Variants in MLIP observed in about 807,000 individuals in gnomAD.
The protein encoded by MLIP is muscular LMNA interacting protein.
Under a neutral mutation model 84.8 loss-of-function variants are expected in MLIP, and 79 were observed. The observed-to-expected ratio is 0.93, with a 90% CI of 0.78 to 1.12. The LOEUF is 1.12. Ranked by LOEUF, MLIP falls within the 50% of genes most tolerant of loss-of-function variation. The pLI, the probability that MLIP is intolerant of heterozygous loss-of-function variation, is 0.00. For synonymous variants in MLIP, 504 were observed against 463.0 expected, an observed-to-expected ratio of 1.09 and a Z score of -1.14; for missense variants, 1,257 against 1,160.6, an observed-to-expected ratio of 1.08 and a Z score of -1.21.
chr6:54,113,040 T>A (rs1358101577), intron 1 of MLIP, among the ~76,000 whole-genome samples: 2 of 152,218 alleles, frequency 1.3e-5, no homozygotes, highest in Non-Finnish European at 2.9e-5. Flanking sequence ...TTCATCATTA[T>A]ATATGCTTTA....
intron 1 of MLIP, among the ~76,000 whole-genome samples, chr6:54,072,419 T>C (rs1450109647): frequency 6.6e-6 from 1 of 152,166 alleles, no homozygotes; most frequent in African/African-American, 2.4e-5. Context: ...CTTAGGGTAA[T>C]GGGTCTGTTA....
chr6:54,116,268 T>A (rs1769911486), intron 1 of MLIP, among the ~76,000 whole-genome samples: 1 of 152,140 alleles, frequency 6.6e-6, no homozygotes, highest in Non-Finnish European at 1.5e-5. Context: ...CAGGGCAGTG[T>A]TACTCTGACA....
At chr6:54,094,863 C>T (rs1382671251) in intron 1 of MLIP, among the ~76,000 whole-genome samples, 1 of 152,112 alleles carries the variant, frequency 6.6e-6, no homozygotes, top group Non-Finnish European at 1.5e-5. Flanking sequence ...AGCAACTAAA[C>T]CAACCTTATA....
intron 12 of MLIP, among the ~76,000 whole-genome samples, chr6:54,245,991 G>A (rs373432684): frequency 1.3e-5 from 2 of 152,128 alleles, no homozygotes; most frequent in African/African-American, 2.4e-5. Context: ...TGCTAAATTT[G>A]TTGAAGTTTA....
chr6:54,184,155 A>G (rs576328017), intron 9 of MLIP, among the ~76,000 whole-genome samples: 1 of 152,294 alleles, frequency 6.6e-6, no homozygotes, highest in South Asian at 2.1e-4. Context: ...ACATAATTCA[A>G]TTAGCACATT....
At chr6:54,207,418 C>CG (rs1554184558) in intron 11 of MLIP, among the ~76,000 whole-genome samples, 1 of 143,760 alleles carries the variant, frequency 7.0e-6, no homozygotes, top group East Asian at 2.2e-4. Flanking sequence ...CACCCCCCCC[C>CG]CCTTTTTTGA....
intron 1 of MLIP, among the ~76,000 whole-genome samples, chr6:54,028,660 C>T (rs896347064): frequency 6.6e-5 from 10 of 152,170 alleles, no homozygotes; most frequent in African/African-American, 1.9e-4. Context: ...TCTGCTTATT[C>T]ATTCATTCAG....
intron 8 of MLIP, among the ~76,000 whole-genome samples, chr6:54,169,194 T>A (rs1775513942): frequency 6.6e-6 from 1 of 151,636 alleles, no homozygotes; most frequent in African/African-American, 2.4e-5. Context: ...ATCTTTGTAA[T>A]TGAGGAGCTC....
At chr6:54,256,025 C>T (rs917958203) in intron 12 of MLIP, among the ~76,000 whole-genome samples, 1 of 152,090 alleles carries the variant, frequency 6.6e-6, no homozygotes, top group Non-Finnish European at 1.5e-5. Flanking sequence ...AAAGTAGGTG[C>T]TTCCAGCTGC....
intron 1 of MLIP, chr6:54,031,445 G>A (rs1460474860): frequency 6.6e-6 from 1 of 152,182 alleles, no homozygotes; most frequent in Non-Finnish European, 1.5e-5. Context: ...TTGGCACCTT[G>A]TAAGCCTGAT....
intron 1 of MLIP, among the ~76,000 whole-genome samples, chr6:54,093,343 CTATTCTATTCTATT>C (rs1767986350): frequency 6.8e-6 from 1 of 147,378 alleles, no homozygotes; most frequent in Non-Finnish European, 1.5e-5. Flanking sequence ...CTATTCTATT[CTATTCTATTCTATT>C]CTATTCTATT....
chr6:54,024,535 A>G (rs1295184524), intron 1 of MLIP, among the ~76,000 whole-genome samples: 7 of 152,226 alleles, frequency 4.6e-5, no homozygotes, highest in Admixed American at 3.9e-4. Flanking sequence ...AGACTTTCAA[A>G]TCAGTATACA....
At chr6:54,054,707 T>C (rs1034966209) in intron 1 of MLIP, among the ~76,000 whole-genome samples, 1 of 152,220 alleles carries the variant, frequency 6.6e-6, no homozygotes, top group Non-Finnish European at 1.5e-5. Context: ...ATGTGCAAGA[T>C]AACATTTTCT....
chr6:54,180,540 C>A (rs914798067), intron 9 of MLIP, among the ~76,000 whole-genome samples: 1 of 152,010 alleles, frequency 6.6e-6, no homozygotes, highest in Non-Finnish European at 1.5e-5. Context: ...TTTTTGTCTC[C>A]TCTGACTTTG....
chr6:54,041,245 T>C (rs1227973671), intron 1 of MLIP, among the ~76,000 whole-genome samples: 1 of 152,118 alleles, frequency 6.6e-6, no homozygotes, highest in African/African-American at 2.4e-5. Flanking sequence ...CATGCCTCAA[T>C]AGACTAATAC....
intron 4 of MLIP, among the ~76,000 whole-genome samples, chr6:54,144,579 G>A (rs893347778): frequency 3.9e-5 from 6 of 152,186 alleles, no homozygotes; most frequent in African/African-American, 9.7e-5. Context: ...AATAGGGTTT[G>A]CACTCCTATG....
rs1771883921 is a variant in MLIP, at chr6:54,137,219, T to C, written c.1150T>C (p.Phe384Leu). ...GAGCCCCAAACCATTTACCTCCTCT[T>C]TCCACGGCTCTTCTTCCACCATCTG... ...SPSPKPFTSSFHGSSSTICSQ... is the reference protein window; with the variant it reads ...SPSPKPFTSSLHGSSSTICSQ... The change falls in exon 4 of 14, where the codon TTC (phenylalanine) becomes CTC (leucine). Residue 384 changes from phenylalanine to leucine, a missense_variant. Transcript: ENST00000502396. The C allele has an allele frequency of 1.3e-6, 2 of 1,535,946 alleles. No homozygotes were observed. The highest frequency in any genetic ancestry group is 1.7e-6 in the Non-Finnish European group (2 of 1,146,896).
intron 10 of MLIP, among the ~76,000 whole-genome samples, chr6:54,201,263 C>G (rs1170827207): frequency 1.3e-5 from 2 of 151,784 alleles, no homozygotes; most frequent in Non-Finnish European, 2.9e-5. Context: ...TTGCAAGTGA[C>G]AAAAGTAAAG....
chr6:54,118,795 T>C (rs549527981), intron 1 of MLIP, among the ~76,000 whole-genome samples: 1 of 152,016 alleles, frequency 6.6e-6, no homozygotes, highest in Non-Finnish European at 1.5e-5. Flanking sequence ...CCAAAAAATA[T>C]TAAAAAAACC....
Sources: allele counts gnomAD v4.1 joint callset (sites outside exome capture counted in the v4.1 genomes callset), GRCh38; gene constraint gnomAD v4.1.1; transcripts MANE v1.5; gene names NCBI Gene and HGNC (gene_info 2026-07-23, HGNC 2026-07-21).